The following CTNNA2 variants were observed in gnomAD, a reference collection of about 807,000 sequenced individuals.
CTNNA2 encodes catenin alpha-2.
In CTNNA2, 42 loss-of-function variants were observed where a neutral mutation model predicts 101.0. The ratio of observed to expected loss-of-function variants is 0.42; its 90% CI spans 0.32 to 0.54. The LOEUF is 0.54. Ranked by LOEUF, CTNNA2 falls within the 20% of genes least tolerant of loss-of-function variation. The probability of loss-of-function intolerance (pLI) is 0.14; values close to 1 mark genes in which losing one functional copy is unlikely to be tolerated. For synonymous variants in CTNNA2, 450 were observed against 456.4 expected (o/e 0.99, Z 0.18); for missense variants, 871 against 1,223.1 (o/e 0.71, Z 4.29).
At chr2:79,211,635 A>G (rs1169447221) in intron 2 of CTNNA2, among the ~76,000 whole-genome samples, 2 of 152,128 alleles carry the variant, frequency 1.3e-5, no homozygotes, top group East Asian at 3.9e-4. Context: ...TAAGGCAGGA[A>G]CAGGCCATTT....
intron 4 of CTNNA2, among the ~76,000 whole-genome samples, chr2:79,497,382 A>G (rs1485589984): frequency 1.3e-5 from 2 of 152,116 alleles, no homozygotes; most frequent in Non-Finnish European, 2.9e-5. Flanking sequence ...ATATTACTGT[A>G]TTAGTTGTCA....
intron 4 of CTNNA2, among the ~76,000 whole-genome samples, chr2:79,416,882 G>T (rs1207901200): frequency 1.3e-5 from 2 of 151,972 alleles, no homozygotes; most frequent in African/African-American, 4.8e-5. Context: ...CTTCTTACAG[G>T]ATCTTCCCCT....
chr2:79,491,032 C>G (rs1375262763), intron 4 of CTNNA2, among the ~76,000 whole-genome samples: 1 of 151,992 alleles, frequency 6.6e-6, no homozygotes, highest in Non-Finnish European at 1.5e-5. Flanking sequence ...CATCAAAGCA[C>G]AGTAATGGAT....
chr2:79,745,981 G>A (rs1008682092), intron 3 of CTNNA2, among the ~76,000 whole-genome samples: 11 of 152,112 alleles, frequency 7.2e-5, no homozygotes, highest in Non-Finnish European at 1.5e-5. Flanking sequence ...CCTGCATGCT[G>A]TTTTCCATAG....
rs1450412675 is a variant in CTNNA2, at chr2:79,699,088, A to G, written c.103-45299A>G. On this transcript the variant is annotated intron_variant, in intron 2 of 18. Transcript: ENST00000402739. ...CAGTAACTTGAATAAATTTTGTACT[A>G]TAAAATGTAGTACTAACTAAAAAAC... Among the ~76,000 whole-genome samples the G allele has an allele frequency of 2.6e-5, 4 of 152,220 alleles. No homozygotes were observed. The South Asian group carries it at 6.2e-4, about 24-fold the overall frequency.
chr2:79,330,560 G>T (rs1204157077), intron 3 of CTNNA2, among the ~76,000 whole-genome samples: 1 of 152,148 alleles, frequency 6.6e-6, no homozygotes, highest in African/African-American at 2.4e-5. Flanking sequence ...ATATAGTTTG[G>T]CTGTGTCCCC....
intron 3 of CTNNA2, among the ~76,000 whole-genome samples, chr2:79,832,401 A>G (rs1013630424): frequency 6.6e-6 from 1 of 152,226 alleles, no homozygotes; most frequent in African/African-American, 2.4e-5. Flanking sequence ...AGAATTGCCT[A>G]TACTTTTTCC....
At chr2:79,829,182 G>T (rs1449487076) in intron 3 of CTNNA2, among the ~76,000 whole-genome samples, 1 of 152,094 alleles carries the variant, frequency 6.6e-6, no homozygotes, top group Non-Finnish European at 1.5e-5. Flanking sequence ...AGATAGCTCT[G>T]TAGGAGGAAT....
At chr2:79,816,285 C>T (rs747309520) in intron 3 of CTNNA2, among the ~76,000 whole-genome samples, 55 of 152,052 alleles carry the variant, frequency 3.6e-4, no homozygotes, top group Non-Finnish European at 6.5e-4. Context: ...AGACTTCCAG[C>T]ACTATGTTGA....
At chr2:79,305,373 C>CACATATAT in intron 2 of CTNNA2, among the ~76,000 whole-genome samples, 1 of 138,248 alleles carries the variant, frequency 7.2e-6, no homozygotes, top group East Asian at 2.2e-4. Flanking sequence ...TATATATACA[C>CACATATAT]ATATATATAT....
intron 7 of CTNNA2, among the ~76,000 whole-genome samples, chr2:80,086,458 TC>T (rs1249730182): frequency 6.6e-6 from 1 of 152,072 alleles, no homozygotes; most frequent in East Asian, 1.9e-4. Context: ...ATTAATTTGA[TC>T]CAGAAATTCT....
chr2:80,428,828 AAAAAC>A (rs903511510), intron 9 of CTNNA2, among the ~76,000 whole-genome samples: 2 of 152,146 alleles, frequency 1.3e-5, no homozygotes, highest in Admixed American at 1.3e-4. Context: ...ACGCTATCTC[AAAAAC>A]AAAACAAAAC....
At chr2:80,202,710 A>G (rs2149019466) in intron 7 of CTNNA2, among the ~76,000 whole-genome samples, 1 of 151,942 alleles carries the variant, frequency 6.6e-6, no homozygotes, top group South Asian at 2.1e-4. Context: ...TGGAGCAAAG[A>G]ACTTTGTTTC....
intron 3 of CTNNA2, among the ~76,000 whole-genome samples, chr2:79,800,540 G>A (rs929299661): frequency 5.9e-5 from 9 of 152,164 alleles, no homozygotes; most frequent in African/African-American, 2.2e-4. Flanking sequence ...ATTGACAGCA[G>A]CTCCTGTCTT....
At chr2:80,164,123 T>C (rs889940714) in intron 7 of CTNNA2, among the ~76,000 whole-genome samples, 17 of 152,008 alleles carry the variant, frequency 1.1e-4, no homozygotes, top group African/African-American at 3.4e-4. Flanking sequence ...TACGTTTTAA[T>C]TGGCATATTT....
At chr2:79,999,797 G>T (rs898257010) in intron 7 of CTNNA2, among the ~76,000 whole-genome samples, 1 of 152,142 alleles carries the variant, frequency 6.6e-6, no homozygotes, top group Non-Finnish European at 1.5e-5. Flanking sequence ...TAAGAGAGAT[G>T]GGCATTAAGC....
intron 1 of CTNNA2, among the ~76,000 whole-genome samples, chr2:79,611,819 CAA>C (rs1335523887): frequency 6.6e-6 from 1 of 152,088 alleles, no homozygotes. Context: ...TTGAATTATA[CAA>C]AGTCAGCGAT....
chr2:79,373,593 G>A (rs949944433), intron 3 of CTNNA2, among the ~76,000 whole-genome samples: 27 of 152,044 alleles, frequency 1.8e-4, no homozygotes, highest in African/African-American at 6.5e-4. Flanking sequence ...AGCAGGCTCT[G>A]CCCTAAATGA....
At chr2:79,564,005 G>A (rs1332965000) in intron 1 of CTNNA2, among the ~76,000 whole-genome samples, 1 of 152,012 alleles carries the variant, frequency 6.6e-6, no homozygotes. Context: ...CTGACCTGAG[G>A]GCACCAATGG....
Sources: allele counts gnomAD v4.1 joint callset (sites outside exome capture counted in the v4.1 genomes callset), GRCh38; gene constraint gnomAD v4.1.1; transcripts MANE v1.5; gene names NCBI Gene and HGNC (gene_info 2026-07-23, HGNC 2026-07-21).